AMBRA1: variants seen among roughly 807,000 people sequenced by gnomAD.
AMBRA1 encodes activating molecule in BECN1-regulated autophagy protein 1.
Under a neutral mutation model 125.4 loss-of-function variants are expected in AMBRA1, and 47 were observed. The ratio of observed to expected loss-of-function variants is 0.37; its 90% confidence interval spans 0.30 to 0.48. The LOEUF is 0.48. Among genes scored for constraint, AMBRA1 ranks in the 20% least tolerant of loss-of-function variants. AMBRA1 has a pLI of 0.99. For synonymous variants in AMBRA1, 626 were observed against 655.5 expected, an observed-to-expected ratio of 0.95 and a Z score of 0.69; for missense variants, 1,331 against 1,693.4, an observed-to-expected ratio of 0.79 and a Z score of 3.76.
At chr11:46,567,055 T>A (rs2043557861) in intron 1 of AMBRA1, among the ~76,000 whole-genome samples, 1 of 152,112 alleles carries the variant, frequency 6.6e-6, no homozygotes, top group Non-Finnish European at 1.5e-5. Flanking sequence ...AATGTAAGCA[T>A]ATTAAGTAGT....
intron 9 of AMBRA1, among the ~76,000 whole-genome samples, chr11:46,507,877 C>T (rs756196910): frequency 2.0e-5 from 3 of 152,300 alleles, no homozygotes; most frequent in Admixed American, 6.5e-5. Context: ...AAGCTTTCCA[C>T]GGTCACTGGA....
intron 7 of AMBRA1, among the ~76,000 whole-genome samples, chr11:46,537,289 A>C (rs1321062218): frequency 2.0e-5 from 3 of 152,214 alleles, no homozygotes. Context: ...TGCTGTTTGA[A>C]GGCACTTATT....
chr11:46,496,657 T>G (rs952075723), intron 9 of AMBRA1, among the ~76,000 whole-genome samples: 4 of 152,072 alleles, frequency 2.6e-5, no homozygotes, highest in African/African-American at 9.7e-5. Flanking sequence ...CAGAGCTTGG[T>G]GAAAGAACAC....
intron 7 of AMBRA1, among the ~76,000 whole-genome samples, chr11:46,529,459 T>C (rs1013807902): frequency 2.6e-5 from 4 of 152,130 alleles, no homozygotes; most frequent in Non-Finnish European, 4.4e-5. Context: ...GTGGTGCGGG[T>C]ACTGCAATGA....
intron 11 of AMBRA1, among the ~76,000 whole-genome samples, chr11:46,474,937 G>A (rs1218220218): frequency 6.6e-6 from 1 of 152,198 alleles, no homozygotes; most frequent in Non-Finnish European, 1.5e-5. Context: ...GACATTTTAA[G>A]GCTCAGCCTG....
chr11:46,555,259 C>T (rs2043128975), intron 1 of AMBRA1, among the ~76,000 whole-genome samples: 1 of 152,162 alleles, frequency 6.6e-6, no homozygotes, highest in African/African-American at 2.4e-5. Context: ...TAAAAACCAT[C>T]TAGAGAGTAT....
chr11:46,404,540 A>G (rs1220515595), intron 17 of AMBRA1, among the ~76,000 whole-genome samples: 1 of 152,074 alleles, frequency 6.6e-6, no homozygotes, highest in Admixed American at 6.6e-5. Flanking sequence ...CCCTGCCCTG[A>G]CTGGTTTCTG....
intron 15 of AMBRA1, among the ~76,000 whole-genome samples, chr11:46,411,469 A>C (rs1171973423): frequency 1.3e-5 from 2 of 152,186 alleles, no homozygotes; most frequent in Non-Finnish European, 2.9e-5. Context: ...CTGAGCCTCC[A>C]AATCTGCCTT....
At chr11:46,532,285 G>A (rs527856887) in intron 7 of AMBRA1, among the ~76,000 whole-genome samples, 3 of 152,150 alleles carry the variant, frequency 2.0e-5, no homozygotes, top group Non-Finnish European at 2.9e-5. Context: ...TCTCATACAA[G>A]GGTGTCAGAG....
At chr11:46,553,053 C>A (rs1202112099) in intron 1 of AMBRA1, among the ~76,000 whole-genome samples, 1 of 151,962 alleles carries the variant, frequency 6.6e-6, no homozygotes, top group Non-Finnish European at 1.5e-5. Flanking sequence ...TCAGGTAATT[C>A]TGTTTCAGCC....
intron 1 of AMBRA1, among the ~76,000 whole-genome samples, chr11:46,571,310 A>G (rs1172011654): frequency 6.6e-6 from 1 of 152,194 alleles, no homozygotes; most frequent in African/African-American, 2.4e-5. Flanking sequence ...AAAATAAAGT[A>G]TCTTTAACTT....
chr11:46,518,802 A>G (rs1951633139), intron 7 of AMBRA1, among the ~76,000 whole-genome samples: 1 of 152,254 alleles, frequency 6.6e-6, no homozygotes, highest in South Asian at 2.1e-4. Flanking sequence ...AAATCATAAT[A>G]GGCATATAAT....
intron 15 of AMBRA1, among the ~76,000 whole-genome samples, chr11:46,415,662 G>A (rs755238909): frequency 3.9e-5 from 6 of 152,252 alleles, no homozygotes; most frequent in Non-Finnish European, 8.8e-5. Flanking sequence ...GACCCAAGAA[G>A]TCAGGAGAAA....
At chr11:46,422,125 G>A (rs1275991188) in intron 14 of AMBRA1, among the ~76,000 whole-genome samples, 3 of 152,076 alleles carry the variant, frequency 2.0e-5, no homozygotes, top group Admixed American at 1.3e-4. Flanking sequence ...TACACCGGAC[G>A]TATTATCAGA....
chr11:46,593,561 T>C (rs772742147), intron 1 of AMBRA1, among the ~76,000 whole-genome samples: 1 of 152,066 alleles, frequency 6.6e-6, no homozygotes, highest in Non-Finnish European at 1.5e-5. Context: ...TGGAAAGCCA[T>C]TTTCGCCACA....
rs148996554 is a variant in AMBRA1 at position 46,533,053 on chromosome 11, C to T, written c.2072+8892G>A. Among the ~76,000 whole-genome samples the T allele has an allele frequency of 7.7e-3, 1,165 of 152,138 alleles. 4 individuals carry two copies. The highest frequency in any genetic ancestry group is 0.038 in the South Asian group (183 of 4,822). ...TGGCACACACTTGTAATCCCAGCTA[C>T]TCGGGAGGCTGAGGCACGAGAATCG... On this transcript the variant is annotated intron_variant, in intron 7 of 17. Coordinates refer to ENST00000683756, the MANE Select transcript of AMBRA1 (RefSeq NM_001387011.1).
chr11:46,546,888 T>G (rs938411834), intron 4 of AMBRA1, among the ~76,000 whole-genome samples: 4 of 151,976 alleles, frequency 2.6e-5, no homozygotes, highest in African/African-American at 7.3e-5. Flanking sequence ...CTGGCCAACA[T>G]AGTGAATCCC....
intron 7 of AMBRA1, 22 bp downstream of exon 7, chr11:46,541,923 A>G: frequency 6.3e-7 from 1 of 1,597,198 alleles, no homozygotes; most frequent in Non-Finnish European, 8.5e-7. Context: ...GGGATGCAGA[A>G]GATAGGAAAG....
At chr11:46,526,937 T>C (rs1370079583) in intron 7 of AMBRA1, among the ~76,000 whole-genome samples, 1 of 152,132 alleles carries the variant, frequency 6.6e-6, no homozygotes, top group Non-Finnish European at 1.5e-5. Context: ...CCTTGGCTAC[T>C]AAAAACAAAA....
Sources: allele counts gnomAD v4.1 joint callset (sites outside exome capture counted in the v4.1 genomes callset), GRCh38; gene constraint gnomAD v4.1.1; transcripts MANE v1.5; gene names NCBI Gene and HGNC (gene_info 2026-07-23, HGNC 2026-07-21).